Variants in RBFOX1 observed in about 807,000 individuals in gnomAD.
RBFOX1 encodes the protein RNA binding protein fox-1 homolog 1.
RBFOX1 carries 8 observed loss-of-function variants against 57.7 expected under a neutral mutation model. That is an observed-to-expected ratio of 0.14 (90% CI 0.08 to 0.25). RBFOX1 has a LOEUF of 0.25. Among genes scored for constraint, RBFOX1 ranks in the 10% least tolerant of loss-of-function variants. The probability of loss-of-function intolerance (pLI) is 1.00; values close to 1 mark genes in which losing one functional copy is unlikely to be tolerated. For missense variants in RBFOX1, 611 were observed against 548.5 expected (o/e 1.11, Z -1.14); for synonymous variants, 326 against 222.4 (o/e 1.47, Z -4.15).
In RBFOX1 at chr16:6,990,098, T is replaced by C. The variant is rs1599362898; in HGVS notation, c.-15-61959T>C. Among the ~76,000 whole-genome samples the C allele has an allele frequency of 5.9e-5, 9 of 152,296 alleles. No homozygotes were observed. The South Asian group carries it at 1.9e-3, about 32-fold the overall frequency. On this transcript the variant is annotated intron_variant, in intron 3 of 15. Transcript: ENST00000550418. ...CTTCAAGAGGTCAGATACTGCTTGT[T>C]TTTATGTGAACATATGTCACCAACA...
intron 1 of RBFOX1, among the ~76,000 whole-genome samples, chr16:5,426,966 G>A (rs2067579413): frequency 6.6e-6 from 1 of 152,204 alleles, no homozygotes; most frequent in African/African-American, 2.4e-5. Context: ...TAAAGGCAGG[G>A]TTCAAATTCA....
intron 1 of RBFOX1, among the ~76,000 whole-genome samples, chr16:6,219,516 C>T (rs1273048184): frequency 6.6e-6 from 1 of 152,074 alleles, no homozygotes; most frequent in Non-Finnish European, 1.5e-5. Flanking sequence ...GTGGTCTTTT[C>T]CAAGGAAATT....
At chr16:7,636,061 T>C (rs953210859) in intron 11 of RBFOX1, among the ~76,000 whole-genome samples, 1 of 152,258 alleles carries the variant, frequency 6.6e-6, no homozygotes, top group African/African-American at 2.4e-5. Context: ...CCACCCGCCT[T>C]GGCCGCCCAC....
chr16:5,566,331 C>T (rs556224044), intron 2 of RBFOX1, among the ~76,000 whole-genome samples: 7 of 151,938 alleles, frequency 4.6e-5, no homozygotes, highest in Non-Finnish European at 1.0e-4. Context: ...GGAAGATAGA[C>T]CGTTGATGTA....
At chr16:7,108,022 G>T (rs536376540) in intron 4 of RBFOX1, among the ~76,000 whole-genome samples, 14 of 151,258 alleles carry the variant, frequency 9.3e-5, no homozygotes, top group Non-Finnish European at 1.8e-4. Context: ...CATAAGATTG[G>T]GGGGGAGAGG....
At chr16:5,268,865 G>A (rs1236282409) in intron 1 of RBFOX1, among the ~76,000 whole-genome samples, 1 of 151,996 alleles carries the variant, frequency 6.6e-6, no homozygotes, top group East Asian at 1.9e-4. Context: ...CACCAGCAGT[G>A]TATGAAGGTT....
At chr16:6,733,817 C>G (rs566222354) in intron 3 of RBFOX1, among the ~76,000 whole-genome samples, 2 of 152,322 alleles carry the variant, frequency 1.3e-5, no homozygotes, top group Non-Finnish European at 2.9e-5. Context: ...ATCTCTGTGA[C>G]TTGCTGCTGG....
At chr16:5,930,738 G>A (rs1418691136) in intron 4 of RBFOX1, among the ~76,000 whole-genome samples, 1 of 122,954 alleles carries the variant, frequency 8.1e-6, no homozygotes, top group Non-Finnish European at 1.7e-5. Context: ...AGGTGGGCAG[G>A]TGGGAGGGTG....
chr16:6,674,822 A>C (rs764733077), intron 3 of RBFOX1, among the ~76,000 whole-genome samples: 13 of 152,326 alleles, frequency 8.5e-5, no homozygotes, highest in South Asian at 6.2e-4. Context: ...AGACCCTATT[A>C]GGACTTTGAT....
chr16:7,242,805 G>C lies in RBFOX1; in HGVS notation c.27+190707G>C, dbSNP rs772228002. On this transcript the variant is annotated intron_variant, in intron 4 of 15. Coordinates refer to ENST00000550418, the MANE Select transcript of RBFOX1 (RefSeq NM_018723.4). ...GCTAAACGGCTCAGCCAAATTTTCT[G>C]TTTGTTGATTCAGACCCGACTGACT... Among the ~76,000 whole-genome samples the C allele has an allele frequency of 2.6e-5, 4 of 152,198 alleles. No individual in the cohort carries two copies. In the East Asian group the frequency reaches 7.7e-4, roughly 29 times the overall value.
intron 3 of RBFOX1, among the ~76,000 whole-genome samples, chr16:6,866,446 C>G (rs1371865232): frequency 6.7e-6 from 1 of 148,318 alleles, no homozygotes; most frequent in Non-Finnish European, 1.5e-5. Context: ...CCATCTGCAT[C>G]TTCATGTTAA....
At chr16:5,740,045 G>T (rs1473350099) in intron 3 of RBFOX1, among the ~76,000 whole-genome samples, 2 of 152,154 alleles carry the variant, frequency 1.3e-5, no homozygotes, top group Non-Finnish European at 1.5e-5. Context: ...TTTGAAATTG[G>T]TATTTTTCCA....
chr16:6,159,324 G>A (rs1485522433), intron 1 of RBFOX1, among the ~76,000 whole-genome samples: 7 of 152,136 alleles, frequency 4.6e-5, no homozygotes, highest in Non-Finnish European at 8.8e-5. Context: ...TGATCTGCCC[G>A]CCTCGGCCTC....
intron 2 of RBFOX1, among the ~76,000 whole-genome samples, chr16:6,608,259 C>T (rs1336850735): frequency 6.6e-6 from 1 of 152,076 alleles, no homozygotes; most frequent in Non-Finnish European, 1.5e-5. Context: ...TTAATAGATA[C>T]CTGAATTAAG....
chr16:6,347,958 T>C (rs907067116), intron 2 of RBFOX1, among the ~76,000 whole-genome samples: 1 of 152,184 alleles, frequency 6.6e-6, no homozygotes, highest in Non-Finnish European at 1.5e-5. Flanking sequence ...CCTAGCTTAC[T>C]CCTGAATACA....
chr16:6,115,935 A>G (rs1432293485), intron 1 of RBFOX1, among the ~76,000 whole-genome samples: 1 of 152,182 alleles, frequency 6.6e-6, no homozygotes, highest in Non-Finnish European at 1.5e-5. Context: ...TACCCAAAGG[A>G]TTATAAATCA....
At chr16:7,421,791 T>G (rs2098545053) in intron 4 of RBFOX1, among the ~76,000 whole-genome samples, 2 of 152,270 alleles carry the variant, frequency 1.3e-5, no homozygotes, top group Non-Finnish European at 2.9e-5. Context: ...TCAGCAGTTT[T>G]CTGACATGCA....
rs58189800 is a variant in RBFOX1 at position 5,993,340 on chromosome 16, CGTGTGTGTGTGTGTGTGTGT to C, written c.351+126031_351+126050del. On this transcript the variant is annotated intron_variant, in intron 4 of 19. Coordinates refer to the RBFOX1 transcript ENST00000641259. ...TGCCTGCCTATTTGATAATGCTGTA[CGTGTGTGTGTGTGTGTGTGT>C]GTGTGTGTGTGTGTGTGTGTGTGTG... Among the ~76,000 whole-genome samples, 443 of 132,948 alleles carry C rather than the reference CGTGTGTGTGTGTGTGTGTGT, an allele frequency of 3.3e-3. 3 individuals are homozygous for C. Among genetic ancestry groups the C allele is most frequent in the Non-Finnish European group, 2.2e-3 (138 of 62,388 alleles). 87.2% of individuals were successfully genotyped at this position (132,948 alleles called of 152,430 possible).
intron 14 of RBFOX1, among the ~76,000 whole-genome samples, chr16:7,678,509 C>T (rs1450409601): frequency 3.3e-5 from 5 of 152,164 alleles, no homozygotes; most frequent in Admixed American, 3.3e-4. Flanking sequence ...CTCAAACACC[C>T]ACTTTGTATA....
Sources: gnomAD v4.1 joint callset for allele counts (sites outside exome capture counted in the v4.1 genomes callset) on GRCh38, gnomAD v4.1.1 for gene constraint, MANE v1.5 for transcripts, NCBI Gene and HGNC (gene_info 2026-07-23, HGNC 2026-07-21) for gene names.